The following SNED1 variants were observed in gnomAD, a reference collection of about 807,000 sequenced individuals.
SNED1 encodes sushi, nidogen and EGF-like domain-containing protein 1.
Under a neutral mutation model 166.7 loss-of-function variants are expected in SNED1, and 81 were observed. That is an observed-to-expected ratio of 0.49 (90% CI 0.41 to 0.58). The LOEUF is 0.58. SNED1 is among the 20% of genes least tolerant of loss of function. SNED1 has a pLI of 0.00. For missense variants in SNED1, 1,604 were observed against 2,000.2 expected (o/e 0.80, Z 3.78); for synonymous variants, 762 against 822.0 (o/e 0.93, Z 1.25).
intron 1 of SNED1, among the ~76,000 whole-genome samples, chr2:241,003,719 C>T (rs1282376181): frequency 3.9e-5 from 6 of 152,236 alleles, no homozygotes; most frequent in Non-Finnish European, 1.5e-5. Flanking sequence ...TCTCTGTCTG[C>T]ACTGCCCCAC....
At chr2:241,059,961 C>T (rs774181234) in intron 16 of SNED1, among the ~76,000 whole-genome samples, 7 of 152,078 alleles carry the variant, frequency 4.6e-5, no homozygotes, top group Non-Finnish European at 7.4e-5. Flanking sequence ...AATTAGAGAT[C>T]ACATGATTGT....
chr2:241,088,130 A>G (rs934148100), intron 30 of SNED1: 7 of 532,760 alleles, frequency 1.3e-5, no homozygotes, highest in African/African-American at 1.2e-4. Context: ...TCTCTGACTC[A>G]CAGCCAGCCA....
chr2:241,038,077 C>T (rs561075871), intron 6 of SNED1, among the ~76,000 whole-genome samples: 2 of 151,884 alleles, frequency 1.3e-5, no homozygotes, highest in Admixed American at 6.6e-5. Context: ...GGACCCCCCC[C>T]CAATTCCTGC....
At chr2:241,025,346 G>A (rs895061828) in intron 1 of SNED1, among the ~76,000 whole-genome samples, 2 of 152,050 alleles carry the variant, frequency 1.3e-5, no homozygotes, top group Non-Finnish European at 2.9e-5. Flanking sequence ...ACTGGTCCCT[G>A]CTACCAAAAA....
intron 16 of SNED1, among the ~76,000 whole-genome samples, chr2:241,062,005 G>A (rs1206708622): frequency 6.6e-6 from 1 of 152,224 alleles, no homozygotes; most frequent in Non-Finnish European, 1.5e-5. Context: ...GTGACCTACA[G>A]TGTGGAGTTC....
At chr2:241,053,124 C>G (rs147347779) in intron 15 of SNED1, 29 bp from the exon 16 acceptor site, 2 of 1,593,882 alleles carry the variant, frequency 1.3e-6, no homozygotes, top group East Asian at 2.3e-5. Flanking sequence ...GGCACAGGAC[C>G]GTGCGAGACA....
intron 1 of SNED1, among the ~76,000 whole-genome samples, chr2:241,020,925 G>T (rs189904919): frequency 6.6e-6 from 1 of 152,262 alleles, no homozygotes; most frequent in Non-Finnish European, 1.5e-5. Context: ...ACCACAGGAC[G>T]GGAACATGCA....
Position 241,069,042 on chromosome 2 carries a change from C to T in SNED1, c.3307+19C>T, listed in dbSNP as rs372701639. On this transcript the variant is annotated intron_variant, in intron 23 of 31. Coordinates refer to ENST00000310397, the MANE Select transcript of SNED1 (RefSeq NM_001080437.3). This position sits in a 1 kb window ranked among gnomAD's most constrained non-coding sequence, Gnocchi z 4.9. ...TGGACCCGTGAGTAGAGCAGCGCGG[C>T]CCCCGGCACACGAAAGGCCGTCTTC... is the stretch of plus-strand genomic sequence containing the variant. The T allele has an allele frequency of 1.0e-4, 157 of 1,499,956 alleles. No individual in the cohort carries two copies. The African/African-American group carries it at 2.0e-3, about 20-fold the overall frequency. 92.9% of individuals were successfully genotyped at this position (1,499,956 alleles called of 1,614,324 possible).
At chr2:241,090,632 C>T (rs554864977) in intron 31 of SNED1, among the ~76,000 whole-genome samples, 3 of 152,198 alleles carry the variant, frequency 2.0e-5, no homozygotes, top group South Asian at 2.1e-4. Flanking sequence ...TTTGGGAGGC[C>T]GAGGCCGGCG....
intron 1 of SNED1, among the ~76,000 whole-genome samples, chr2:241,002,005 TGCACAACATTACCATCCAGGCACA>T (rs1408911682): frequency 6.6e-6 from 1 of 152,216 alleles, no homozygotes; most frequent in Non-Finnish European, 1.5e-5. Context: ...GCTCTGGCTC[TGCACAACATTACCATCCAGGCACA>T]GTCCCGGCCC....
At chr2:241,072,443 A>G (rs964036563) in intron 26 of SNED1, 2 of 357,462 alleles carry the variant, frequency 5.6e-6, no homozygotes, top group Non-Finnish European at 1.1e-5. Flanking sequence ...GGAGTGAGGC[A>G]GGCGCGACCC....
rs370287253 is a variant in SNED1 at position 241,063,679 on chromosome 2, G to T, written c.2464G>T (p.Val822Phe). 8 of 1,610,322 alleles carry T rather than the reference G, an allele frequency of 5.0e-6. No individual in the cohort carries two copies. In the African/African-American group the frequency reaches 1.1e-4, roughly 22 times the overall value. Residue 822 changes from valine to phenylalanine, a missense_variant, in exon 18 of 32, where the codon GTT becomes TTT. Transcript: ENST00000310397. The stretch of plus-strand genomic sequence containing the variant: ...TGTCTGCCGGTGCCCTGCAGGCTTC[G>T]TTGGAGTCCACTGTGAGACAGGTAG... ...AYVCRCPAGF[V>F]GVHCETEVDA...
intron 27 of SNED1, among the ~76,000 whole-genome samples, chr2:241,080,822 G>A (rs2063292294): frequency 6.6e-6 from 1 of 152,270 alleles, no homozygotes; most frequent in Non-Finnish European, 1.5e-5. Context: ...GGAGCAGGGT[G>A]GAGCCTTCAC....
Position 241,082,201 on chromosome 2 carries a change from T to C in SNED1, c.4034-76T>C. The C allele has an allele frequency of 2.4e-6, 3 of 1,251,460 alleles. No homozygotes were observed. The South Asian group carries it at 3.9e-5, about 16-fold the overall frequency. 77.5% of individuals were successfully genotyped at this position (1,251,460 alleles called of 1,614,324 possible). A position where few individuals can be genotyped will look rare whatever the true frequency, so the allele number is the denominator to read the frequency against. ...CCTAAGGACCCCCGGGCCCTCTCCC[T>C]TGGGCAAGGCCTCTCAAGAGGGGCA... is the stretch of plus-strand genomic sequence containing the variant. On this transcript the variant is annotated intron_variant, in intron 28 of 31. Coordinates refer to ENST00000310397, the MANE Select transcript of SNED1 (RefSeq NM_001080437.3).
Position 241,068,962 on chromosome 2 carries a change from G to T in SNED1, c.3246G>T (p.Gly1082=). Residue 1082 remains glycine, a synonymous_variant, in exon 23 of 32, where the codon GGG becomes GGT. Transcript: ENST00000310397. The surrounding 1 kb of genome is among the most constrained non-coding windows in gnomAD (Gnocchi z 5.3). ...CCATCCAGCTGACCACCCTCAGTGG[G>T]CTCAGGGGAGAGGAGCACCCCACAG... is the stretch of plus-strand genomic sequence containing the variant. ...RYTIQLTTLS[G]LRGEEHPTES... 6.4e-7 allele frequency: 1 copy of T among 1,556,768 alleles called. No individual in the cohort carries two copies.
upstream of SNED1, among the ~76,000 whole-genome samples, chr2:240,998,518 A>ACGG (rs1247688437): frequency 1.3e-5 from 2 of 150,090 alleles, no homozygotes; most frequent in East Asian, 3.9e-4. Context: ...GCGCCCTCCC[A>ACGG]CGGGGCCTGG....
intron 21 of SNED1, among the ~76,000 whole-genome samples, chr2:241,067,458 C>T (rs1183929871): frequency 1.3e-5 from 2 of 152,186 alleles, no homozygotes; most frequent in African/African-American, 4.8e-5. Flanking sequence ...GGACTCCGGC[C>T]CATCCCCTGC....
chr2:241,010,419 C>T (rs1468101660), intron 1 of SNED1: 2 of 152,354 alleles, frequency 1.3e-5, no homozygotes, highest in Admixed American at 6.5e-5. Flanking sequence ...GAGGGTCAGC[C>T]CCGTCCTGCA....
chr2:241,045,205 A>G (rs2061616151), intron 8 of SNED1, among the ~76,000 whole-genome samples: 1 of 152,234 alleles, frequency 6.6e-6, no homozygotes, highest in Admixed American at 6.5e-5. Flanking sequence ...AGAAGACTCA[A>G]CGTAGTAAAT....
Sources: allele counts gnomAD v4.1 joint callset (sites outside exome capture counted in the v4.1 genomes callset), GRCh38; gene constraint gnomAD v4.1.1; non-coding constraint Gnocchi (gnomAD v3.1); transcripts MANE v1.5; gene names NCBI Gene and HGNC (gene_info 2026-07-23, HGNC 2026-07-21).